UBXN8: variants seen among roughly 807,000 people sequenced by gnomAD.
UBXN8 encodes the protein UBX domain protein 8, also known as UBX domain-containing protein 8.
In UBXN8, 27 loss-of-function variants were observed where a neutral mutation model predicts 32.1. The observed-to-expected ratio is 0.84, with a 90% CI of 0.62 to 1.16. The LOEUF (loss-of-function observed/expected upper bound fraction) is 1.16. Among genes scored for constraint, UBXN8 ranks in the 50% most tolerant of loss-of-function variants. The pLI is 0.00. For synonymous variants in UBXN8, 109 were observed against 111.8 expected, an observed-to-expected ratio of 0.98 and a Z score of 0.16; for missense variants, 306 against 311.4, an observed-to-expected ratio of 0.98 and a Z score of 0.13.
intron 5 of UBXN8, among the ~76,000 whole-genome samples, chr8:30,760,398 T>C (rs1349086680): frequency 2.7e-5 from 4 of 146,532 alleles, no homozygotes; most frequent in Non-Finnish European, 6.0e-5. Flanking sequence ...TATATGTATG[T>C]ATGTGTATAT....
intron 7 of UBXN8, among the ~76,000 whole-genome samples, chr8:30,764,574 T>C (rs1422942861): frequency 5.3e-5 from 8 of 152,186 alleles, no homozygotes; most frequent in Admixed American, 5.2e-4. Flanking sequence ...ATGAATATCA[T>C]GATTTCCCGA....
At chr8:30,734,965 C>T (rs1024591986) in intron 1 of UBXN8, among the ~76,000 whole-genome samples, 8 of 152,034 alleles carry the variant, frequency 5.3e-5, no homozygotes, top group South Asian at 4.1e-4. Flanking sequence ...ACTGGACAAA[C>T]GTAGGTGATT....
chr8:30,756,857 G>T lies in UBXN8; in HGVS notation c.498G>T (p.Pro166=). ...TGCCTAAACCTTTAACTGAATTTCCGTCTCCTGCTGAACAGCCCACATGCA... is the reference window on the plus strand; with the variant it reads ...TGCCTAAACCTTTAACTGAATTTCCTTCTCCTGCTGAACAGCCCACATGCA... ...QNLPKPLTEF[P]SPAEQPTCKE... The change falls in exon 5 of 8, where the codon CCG becomes CCT. Residue 166 remains proline (P), a synonymous_variant. Coordinates refer to ENST00000265616, the MANE Select transcript of UBXN8 (RefSeq NM_005671.4). 1.2e-6 allele frequency: 2 copies of T among 1,613,934 alleles called. No individual in the cohort carries two copies. The highest frequency in any genetic ancestry group is 1.1e-5 in the South Asian group (1 of 91,086).
chr8:30,732,371 G>A, upstream of UBXN8: 1 of 396,724 alleles, frequency 2.5e-6, no homozygotes, highest in Non-Finnish European at 4.4e-6. Flanking sequence ...CCAACAGCAG[G>A]TACGTTACTT....
intron 1 of UBXN8, among the ~76,000 whole-genome samples, chr8:30,734,532 A>G (rs1253473245): frequency 6.6e-6 from 1 of 152,040 alleles, no homozygotes; most frequent in Non-Finnish European, 1.5e-5. Context: ...AGGTGAAAGG[A>G]TCACTTGAGC....
chr8:30,737,883 A>T (rs1019076764), intron 1 of UBXN8, among the ~76,000 whole-genome samples: 1 of 152,164 alleles, frequency 6.6e-6, no homozygotes, highest in Non-Finnish European at 1.5e-5. Context: ...TAGCCATCTT[A>T]TTTTTTAGGG....
intron 3 of UBXN8, among the ~76,000 whole-genome samples, chr8:30,753,771 C>CTTTT (rs748807226): frequency 6.5e-5 from 8 of 122,610 alleles, no homozygotes; most frequent in Non-Finnish European, 8.0e-5. Context: ...AGATATACCA[C>CTTTT]TTTTTTTTTT....
intron 5 of UBXN8, among the ~76,000 whole-genome samples, chr8:30,757,446 G>A (rs1184101387): frequency 6.6e-6 from 1 of 152,082 alleles, no homozygotes; most frequent in Non-Finnish European, 1.5e-5. Context: ...CAGCTACTGA[G>A]GAGGCTGAGA....
chr8:30,759,454 C>G (rs775492674), intron 5 of UBXN8, among the ~76,000 whole-genome samples: 1 of 151,334 alleles, frequency 6.6e-6, no homozygotes, highest in Non-Finnish European at 1.5e-5. Flanking sequence ...AGGCTGGTCT[C>G]AAACTCCTGA....
At position 30,736,236 on chromosome 8, in the gene UBXN8, T is replaced by A. The variant is rs75047437; in HGVS notation, c.622+2928T>A. On this transcript the variant is annotated intron_variant, in intron 1 of 1. Transcript: ENST00000522968. ...AAGTTATACAGTAAAGGGAAAGAAA[T>A]TTTCAGAGGGACATAGCAAGTCTGC... 6.4e-3 allele frequency among the ~76,000 whole-genome samples: 972 copies of A among 152,268 alleles called. 16 individuals are homozygous for A. The highest frequency in any genetic ancestry group is 0.022 in the African/African-American group (903 of 41,556).
intron 5 of UBXN8, among the ~76,000 whole-genome samples, chr8:30,759,977 TAAAATAAAATA>T (rs1805786147): frequency 2.9e-5 from 3 of 104,162 alleles, no homozygotes; most frequent in African/African-American, 6.7e-5. Context: ...ATAAATAAAA[TAAAATAAAATA>T]AAATAAAATA....
chr8:30,760,976 T>G (rs1378342938), intron 6 of UBXN8, 47 bp downstream of exon 6: 4 of 1,340,886 alleles, frequency 3.0e-6, no homozygotes, highest in Non-Finnish European at 4.1e-6. Context: ...TTCTATTTTC[T>G]TTGCTTAACA....
At chr8:30,729,338 G>C (rs577387716), upstream of UBXN8, among the ~76,000 whole-genome samples, 2 of 152,362 alleles carry the variant, frequency 1.3e-5, no homozygotes, top group African/African-American at 4.8e-5. Context: ...CCGGACATTT[G>C]AAACTTGGTA....
At chr8:30,760,251 G>C (rs1586104784) in intron 5 of UBXN8, among the ~76,000 whole-genome samples, 1 of 148,590 alleles carries the variant, frequency 6.7e-6, no homozygotes, top group East Asian at 2.0e-4. Flanking sequence ...TGTAGAGACG[G>C]GGTTTCACCA....
At chr8:30,755,063 C>G (rs1805619739) in intron 4 of UBXN8, among the ~76,000 whole-genome samples, 1 of 148,104 alleles carries the variant, frequency 6.8e-6, no homozygotes, top group Non-Finnish European at 1.5e-5. Flanking sequence ...TCATGCCATT[C>G]TCCTGCCTCA....
At chr8:30,736,943 C>G (rs137977073) in intron 1 of UBXN8, among the ~76,000 whole-genome samples, 255 of 152,274 alleles carry the variant, frequency 1.7e-3, no homozygotes, top group Non-Finnish European at 3.1e-3. Context: ...CTCCCTCCCC[C>G]AAGAGGTAAT....
Position 30,744,206 on chromosome 8 carries a change from T to G in UBXN8, c.17T>G (p.Val6Gly), listed in dbSNP as rs1168205526. Residue 6 changes from valine (V) to glycine (G), a missense_variant, in exon 1 of 8, where the codon GTT becomes GGT. Transcript: ENST00000265616. ...TCCGCCACCATGGCTTCACGTGGGG[T>G]TGTTGGCATTTTCTTCCTCTCTGCT... MASRGVVGIFFLSAVP... is the reference protein window; with the variant it reads MASRGGVGIFFLSAVP... 6.2e-7 allele frequency: 1 copy of G among 1,613,496 alleles called. No homozygotes were observed. The highest frequency in any genetic ancestry group is 1.3e-5 in the African/African-American group (1 of 75,048).
chr8:30,755,353 G>A (rs1780624106), intron 4 of UBXN8, among the ~76,000 whole-genome samples: 1 of 151,718 alleles, frequency 6.6e-6, no homozygotes, highest in Non-Finnish European at 1.5e-5. Context: ...GGGCTCAAGG[G>A]ATCCTCCTGC....
intron 1 of UBXN8, among the ~76,000 whole-genome samples, chr8:30,736,629 T>G (rs55891465): frequency 6.6e-6 from 1 of 151,884 alleles, no homozygotes; most frequent in African/African-American, 2.4e-5. Flanking sequence ...CCCACCACCA[T>G]GCCCAGATAC....
Sources: gnomAD v4.1 joint callset for allele counts (sites outside exome capture counted in the v4.1 genomes callset) on GRCh38, gnomAD v4.1.1 for gene constraint, MANE v1.5 for transcripts, NCBI Gene and HGNC (gene_info 2026-07-23, HGNC 2026-07-21) for gene names.